The following HES2 variants were observed in gnomAD, a reference collection of about 807,000 sequenced individuals.
HES2 encodes hes family bHLH transcription factor 2, also known as transcription factor HES-2.
Under a neutral mutation model 11.9 loss-of-function variants are expected in HES2, and 11 were observed. That is an observed-to-expected ratio of 0.92 (90% CI 0.58 to 1.53). The LOEUF (loss-of-function observed/expected upper bound fraction) is 1.53. Ranked by LOEUF, HES2 falls within the 40% of genes most tolerant of loss-of-function variation. The pLI, the probability that HES2 is intolerant of heterozygous loss-of-function variation, is 0.00. For missense variants in HES2, 260 were observed against 253.8 expected, an observed-to-expected ratio of 1.02 and a Z score of -0.16; for synonymous variants, 125 against 122.8, an observed-to-expected ratio of 1.02 and a Z score of -0.12.
At position 6,418,031 on chromosome 1, in the gene HES2, C is replaced by T. The variant is rs532433209; in HGVS notation, c.*842G>A. The T allele has an allele frequency of 6.6e-6, 1 of 152,414 alleles. No individual in the cohort carries two copies. The highest frequency in any genetic ancestry group is 6.5e-5 in the Admixed American group (1 of 15,304). The allele number at this position is 152,414 out of a possible 1,614,324, so 9.4% of individuals were successfully genotyped here. On this transcript the variant is annotated 3_prime_UTR_variant, in exon 4 of 4. Coordinates refer to ENST00000377834, the MANE Select transcript of HES2 (RefSeq NM_019089.5). Reference sequence around the variant, plus strand: ...ATTCCTGCTGCTCCATGGCAGGGGCCCTGCTCACCCCACATTGGCACAGAC... The same window carrying T: ...ATTCCTGCTGCTCCATGGCAGGGGCTCTGCTCACCCCACATTGGCACAGAC...
rs1436148583 is a variant in HES2 at position 6,419,714 on chromosome 1, C to A, written c.46-12G>T. On this transcript the variant is annotated splice_polypyrimidine_tract_variant and intron_variant, in intron 1 of 3. Transcript: ENST00000377834. The surrounding 1 kb of genome is among the most constrained non-coding windows in gnomAD (Gnocchi z 8.1). ...AGCGGCTTCAGGCTCTGCGGACGGG[C>A]GGCGCGGTGGTTAGACGGGTCCCCG... The A allele has an allele frequency of 6.4e-7, 1 of 1,551,786 alleles. No individual in the cohort carries two copies. Among genetic ancestry groups the A allele is most frequent in the Non-Finnish European group, 8.7e-7 (1 of 1,151,472 alleles).
rs1050434671 is a variant in HES2, at chr1:6,418,234, GC to G, written c.*638del. 36 of 152,304 alleles carry G rather than the reference GC, an allele frequency of 2.4e-4. No individual in the cohort carries two copies. Among genetic ancestry groups the G allele is most frequent in the African/African-American group, 8.0e-4 (33 of 41,428 alleles). 9.4% of individuals were successfully genotyped at this position (152,304 alleles called of 1,614,324 possible). On this transcript the variant is annotated 3_prime_UTR_variant, in exon 4 of 4. Transcript: ENST00000377834. ...CCAAAGTCACTTAAGGAATCCCCCA[GC>G]CCCACCGCACAGACCCCTGGATGTA...
rs1642835697 is a variant in HES2, at chr1:6,415,462, G to T, written c.*3411C>A. On this transcript the variant is annotated 3_prime_UTR_variant, in exon 4 of 4. Transcript: ENST00000377834. ...TGGTTCTCCCAGACGTTCCCTGCAG[G>T]CTGTTTATGCAGCGCCCATCCGAGA... 6.6e-6 allele frequency: 1 copy of T among 151,094 alleles called. No individual in the cohort carries two copies. The highest frequency in any genetic ancestry group is 2.4e-5 in the African/African-American group (1 of 41,002). 9.4% of individuals were successfully genotyped at this position (151,094 alleles called of 1,614,324 possible).
In HES2 at chr1:6,418,595, T is replaced by C. The variant is rs994137095; in HGVS notation, c.*278A>G. 2 of 366,790 alleles carry C rather than the reference T, an allele frequency of 5.5e-6. No homozygotes were observed. Among genetic ancestry groups the C allele is most frequent in the African/African-American group, 2.1e-5 (1 of 47,702 alleles). 22.7% of individuals were successfully genotyped at this position (366,790 alleles called of 1,614,324 possible). A position where few individuals can be genotyped will look rare whatever the true frequency, so the allele number is the denominator to read the frequency against. On this transcript the variant is annotated 3_prime_UTR_variant, in exon 4 of 4. Transcript: ENST00000377834. ...CAGTTCCAGAACTATCTCCACCAGC[T>C]GGGATGGGGGGCTTCTTCTTCACCC...
Position 6,419,545 on chromosome 1 carries a change from C to G in HES2, c.141+62G>C. The stretch of plus-strand genomic sequence containing the variant: ...TGGTGGGTTCCTCCCGCAGGAGCAC[C>G]CCGTCCCCCTGCCCCCGCTCCGCGC... On this transcript the variant is annotated intron_variant, in intron 2 of 3. Coordinates refer to ENST00000377834, the MANE Select transcript of HES2 (RefSeq NM_019089.5). This position sits in a 1 kb window ranked among gnomAD's most constrained non-coding sequence, Gnocchi z 8.1. 1 of 1,394,850 alleles carries G rather than the reference C, an allele frequency of 7.2e-7. No individual in the cohort carries two copies. Among genetic ancestry groups the G allele is most frequent in the East Asian group, 2.7e-5 (1 of 36,852 alleles). 86.4% of individuals were successfully genotyped at this position (1,394,850 alleles called of 1,614,324 possible).
At position 6,419,628 on chromosome 1, in the gene HES2, G is replaced by C; in HGVS notation, c.120C>G (p.Ile40Met). The C allele has an allele frequency of 6.5e-7, 1 of 1,543,186 alleles. No homozygotes were observed. The highest frequency in any genetic ancestry group is 8.7e-7 in the Non-Finnish European group (1 of 1,147,694). The change falls in exon 2 of 4, where the codon ATC (isoleucine) becomes ATG (methionine). Residue 40 changes from isoleucine to methionine, a missense_variant. Physicochemically the swap from Ile to Met is conservative, Grantham distance 10 (BLOSUM62 1). Transcript: ENST00000377834. The surrounding 1 kb of genome is among the most constrained non-coding windows in gnomAD (Gnocchi z 8.1). ...TCACCTCCCGGCCCAGCAGCGGCAG[G>C]ATGAGCCCCTTAAGCTGGCTCAGGC... is the stretch of plus-strand genomic sequence containing the variant. ...NQSLSQLKGL[I>M]LPLLGRENSN...
chr1:6,419,833 A>G lies in HES2; in HGVS notation c.-13T>C. 6 of 1,543,552 alleles carry G rather than the reference A, an allele frequency of 3.9e-6. No homozygotes were observed. The highest frequency in any genetic ancestry group is 4.3e-6 in the Non-Finnish European group (5 of 1,150,334). On this transcript the variant is annotated 5_prime_UTR_variant, in exon 1 of 4. Coordinates refer to ENST00000377834, the MANE Select transcript of HES2 (RefSeq NM_019089.5). This position sits in a 1 kb window ranked among gnomAD's most constrained non-coding sequence, Gnocchi z 8.1. The stretch of plus-strand genomic sequence containing the variant: ...GAGGCAGCCCCATGCTCCGCGGGGA[A>G]GCGGTGGCAGCTGCGAGCCCCACGC...
chr1:6,419,435 G>T lies in HES2; in HGVS notation c.142-95C>A. On this transcript the variant is annotated intron_variant, in intron 2 of 3. Transcript: ENST00000377834. This position sits in a 1 kb window ranked among gnomAD's most constrained non-coding sequence, Gnocchi z 8.1. ...CCCTCGCTCTAGTCGGGAGCTGGGT[G>T]TGGGGCGCGCCGTGGCCTGCTGGGG... The T allele has an allele frequency of 8.0e-7, 1 of 1,250,208 alleles. No homozygotes were observed. The highest frequency in any genetic ancestry group is 1.1e-6 in the Non-Finnish European group (1 of 900,336). 77.4% of individuals were successfully genotyped at this position (1,250,208 alleles called of 1,614,324 possible). A position where few individuals can be genotyped will look rare whatever the true frequency, so the allele number is the denominator to read the frequency against.
At position 6,419,333 on chromosome 1, in the gene HES2, T is replaced by C. The variant is rs147859973; in HGVS notation, c.149A>G (p.Asn50Ser). Residue 50 changes from asparagine (N) to serine (S), a missense_variant, in exon 3 of 4, where the codon AAC (asparagine) becomes AGC (serine). Transcript: ENST00000377834. This position sits in a 1 kb window ranked among gnomAD's most constrained non-coding sequence, Gnocchi z 8.1. ...GTCTGCCTTCTCTAGCTTCGAGCAG[T>C]TGGAGTTCTGCGCCCGGCCACGAGG... Reference protein sequence around the residue: ...ILPLLGRENSNCSKLEKADVL... With the variant: ...ILPLLGRENSSCSKLEKADVL... 121 of 1,609,858 alleles carry C rather than the reference T, an allele frequency of 7.5e-5. 1 individual carries two copies. In the African/African-American group the frequency reaches 1.3e-3, roughly 17 times the overall value.
At position 6,419,886 on chromosome 1, in the gene HES2, T is replaced by A; in HGVS notation, c.-66A>T. The A allele has an allele frequency of 6.9e-7, 1 of 1,458,306 alleles. No homozygotes were observed. Among genetic ancestry groups the A allele is most frequent in the Non-Finnish European group, 9.0e-7 (1 of 1,105,932 alleles). 90.3% of individuals were successfully genotyped at this position (1,458,306 alleles called of 1,614,324 possible). A position where few individuals can be genotyped will look rare whatever the true frequency, so the allele number is the denominator to read the frequency against. On this transcript the variant is annotated 5_prime_UTR_variant, in exon 1 of 4. Coordinates refer to ENST00000377834, the MANE Select transcript of HES2 (RefSeq NM_019089.5). This position sits in a 1 kb window ranked among gnomAD's most constrained non-coding sequence, Gnocchi z 8.1. Reference sequence around the variant, plus strand: ...AGGGAAACCGAGGTCCGAAATGAGGTCCCGGGCGCGGCCCGGGCTGGTGCC... The same window carrying A: ...AGGGAAACCGAGGTCCGAAATGAGGACCCGGGCGCGGCCCGGGCTGGTGCC...
rs745976485 is a variant in HES2, at chr1:6,419,107, G to A, written c.288C>T (p.Arg96=). ...GGCAGGCGGGCAGCACGCGGGCCAG[G>A]CGCGCCACACAGGCGCTGTAGCCCT... The part of the protein sequence containing the change: ...YREGYSACVA[R]LARVLPACRV... The change falls in exon 4 of 4, where the codon CGC becomes CGT. Residue 96 remains arginine (R), a synonymous_variant. Transcript: ENST00000377834. This position sits in a 1 kb window ranked among gnomAD's most constrained non-coding sequence, Gnocchi z 8.1. 2 of 1,508,698 alleles carry A rather than the reference G, an allele frequency of 1.3e-6. No homozygotes were observed. Among genetic ancestry groups the A allele is most frequent in the South Asian group, 2.5e-5 (2 of 81,482 alleles). 93.5% of individuals were successfully genotyped at this position (1,508,698 alleles called of 1,614,324 possible). A position where few individuals can be genotyped will look rare whatever the true frequency, so the allele number is the denominator to read the frequency against.
rs1167217602 is a variant in HES2 at position 6,419,056 on chromosome 1, C to A, written c.339G>T (p.Ala113=). Residue 113 remains alanine (A), a synonymous_variant, in exon 4 of 4, where the codon GCG becomes GCT. Coordinates refer to ENST00000377834, the MANE Select transcript of HES2 (RefSeq NM_019089.5). This position sits in a 1 kb window ranked among gnomAD's most constrained non-coding sequence, Gnocchi z 8.1. ...ACRVLEPAVS[A]RLLEHLWRRA... Reference sequence around the variant, plus strand: ...TCCGCCACAGGTGCTCCAGCAGGCGCGCGCTCACGGCGGGCTCCAGGACAC... The same window carrying A: ...TCCGCCACAGGTGCTCCAGCAGGCGAGCGCTCACGGCGGGCTCCAGGACAC... The A allele has an allele frequency of 1.4e-6, 2 of 1,473,014 alleles. No individual in the cohort carries two copies. The highest frequency in any genetic ancestry group is 1.8e-6 in the Non-Finnish European group (2 of 1,121,568). The allele number at this position is 1,473,014 out of a possible 1,614,324, so 91.2% of individuals were successfully genotyped here.
At position 6,419,172 on chromosome 1, in the gene HES2, G is replaced by A; in HGVS notation, c.242-19C>T. On this transcript the variant is annotated intron_variant, in intron 3 of 3. Coordinates refer to ENST00000377834, the MANE Select transcript of HES2 (RefSeq NM_019089.5). The surrounding 1 kb of genome is among the most constrained non-coding windows in gnomAD (Gnocchi z 8.1). ...CAAGGCACTGCGGGCGGAGAGCCGC[G>A]TGAGGCGCGGGGTAGGGTGCCGGGT... 3 of 1,563,748 alleles carry A rather than the reference G, an allele frequency of 1.9e-6. No individual in the cohort carries two copies. Among genetic ancestry groups the A allele is most frequent in the Admixed American group, 1.8e-5 (1 of 55,220 alleles).
At position 6,418,891 on chromosome 1, in the gene HES2, G is replaced by T; in HGVS notation, c.504C>A (p.Gly168=). The T allele has an allele frequency of 7.6e-7, 1 of 1,313,952 alleles. No homozygotes were observed. The highest frequency in any genetic ancestry group is 4.2e-5 in the Admixed American group (1 of 24,094). 81.4% of individuals were successfully genotyped at this position (1,313,952 alleles called of 1,614,324 possible). ...PSPPSPPCGP[G]LWRPW is the part of the protein sequence containing the mutation. ...CGAGGGGCTACCACGGCCGCCAGAG[G>T]CCAGGGCCGCAGGGAGGCGAGGGCG... Residue 168 remains glycine (G), a synonymous_variant, in exon 4 of 4, where the codon GGC becomes GGA. Transcript: ENST00000377834.
rs1396547807 is a variant in HES2 at position 6,415,360 on chromosome 1, A to C, written c.*3513T>G. 4.0e-4 allele frequency: 61 copies of C among 150,900 alleles called. No homozygotes were observed. 9.3% of individuals were successfully genotyped at this position (150,900 alleles called of 1,614,324 possible). On this transcript the variant is annotated 3_prime_UTR_variant, in exon 4 of 4. Coordinates refer to ENST00000377834, the MANE Select transcript of HES2 (RefSeq NM_019089.5). ...AACATTTTCCCACGAGCATGTGCCC[A>C]CTTTGTATCTGTGTGTCACACTTTC...
In HES2 at chr1:6,419,480, C is replaced by T; in HGVS notation, c.141+127G>A. 8.6e-7 allele frequency: 1 copy of T among 1,165,092 alleles called. No individual in the cohort carries two copies. Among genetic ancestry groups the T allele is most frequent in the Admixed American group, 2.5e-5 (1 of 40,050 alleles). 72.2% of individuals were successfully genotyped at this position (1,165,092 alleles called of 1,614,324 possible). A position where few individuals can be genotyped will look rare whatever the true frequency, so the allele number is the denominator to read the frequency against. On this transcript the variant is annotated intron_variant, in intron 2 of 3. Coordinates refer to ENST00000377834, the MANE Select transcript of HES2 (RefSeq NM_019089.5). This position sits in a 1 kb window ranked among gnomAD's most constrained non-coding sequence, Gnocchi z 8.1. ...CTGGGGGTCCGCTCCGACGCGCCCACCCCACCCAGGCTCCGCCTCGGGCGC... is the reference window on the plus strand; with the variant it reads ...CTGGGGGTCCGCTCCGACGCGCCCATCCCACCCAGGCTCCGCCTCGGGCGC...
Position 6,419,825 on chromosome 1 carries a change from C to T in HES2, c.-5G>A, listed in dbSNP as rs925326929. The T allele has an allele frequency of 1.0e-5, 16 of 1,551,150 alleles. No individual in the cohort carries two copies. The highest frequency in any genetic ancestry group is 3.8e-5 in the Admixed American group (2 of 53,202). On this transcript the variant is annotated 5_prime_UTR_variant, in exon 1 of 4. Coordinates refer to ENST00000377834, the MANE Select transcript of HES2 (RefSeq NM_019089.5). This position sits in a 1 kb window ranked among gnomAD's most constrained non-coding sequence, Gnocchi z 8.1. ...TGCCCGGCGAGGCAGCCCCATGCTC[C>T]GCGGGGAAGCGGTGGCAGCTGCGAG...
In HES2 at chr1:6,419,508, C is replaced by A; in HGVS notation, c.141+99G>T. On this transcript the variant is annotated intron_variant, in intron 2 of 3. Coordinates refer to ENST00000377834, the MANE Select transcript of HES2 (RefSeq NM_019089.5). This position sits in a 1 kb window ranked among gnomAD's most constrained non-coding sequence, Gnocchi z 8.1. ...CACCCAGGCTCCGCCTCGGGCGCCG[C>A]GCGGAACCCCCTGGTGGGTTCCTCC... is the stretch of plus-strand genomic sequence containing the variant. 1 of 1,247,542 alleles carries A rather than the reference C, an allele frequency of 8.0e-7. No homozygotes were observed. The highest frequency in any genetic ancestry group is 1.1e-6 in the Non-Finnish European group (1 of 925,470). The allele number at this position is 1,247,542 out of a possible 1,614,324, so 77.3% of individuals were successfully genotyped here.
rs1486524315 is a variant in HES2 at position 6,419,789 on chromosome 1, G to A, written c.32C>T (p.Ala11Val). The A allele has an allele frequency of 1.3e-6, 2 of 1,554,136 alleles. No individual in the cohort carries two copies. The highest frequency in any genetic ancestry group is 1.2e-5 in the South Asian group (1 of 84,122). The part of the protein sequence containing the change: MGLPRRAGDA[A>V]ELRKSLKPLL... ...CCCGGTACCCACCTTGCGCAGCTCC[G>A]CCGCGTCCCCTGCCCGGCGAGGCAG... is the stretch of plus-strand genomic sequence containing the variant. The change falls in exon 1 of 4, where the codon GCG becomes GTG. Residue 11 changes from alanine (A) to valine (V), a missense_variant. Transcript: ENST00000377834. This position sits in a 1 kb window ranked among gnomAD's most constrained non-coding sequence, Gnocchi z 8.1.
Sources: allele counts gnomAD v4.1 joint callset, GRCh38; gene constraint gnomAD v4.1.1; non-coding constraint Gnocchi (gnomAD v3.1); transcripts MANE v1.5; gene names NCBI Gene and HGNC (gene_info 2026-07-23, HGNC 2026-07-21).